The following SGK3 variants were observed in gnomAD, a reference collection of about 807,000 sequenced individuals.
SGK3 encodes the protein serum/glucocorticoid regulated kinase family member 3, also known as serine/threonine-protein kinase Sgk3.
Under a neutral mutation model 68.5 loss-of-function variants are expected in SGK3, and 47 were observed. That is an observed-to-expected ratio of 0.69 (90% confidence interval 0.54 to 0.87). SGK3 has a LOEUF of 0.87. Ranked by LOEUF, SGK3 falls within the 40% of genes least tolerant of loss-of-function variation. The pLI, the probability that SGK3 is intolerant of heterozygous loss-of-function variation, is 0.00. For missense variants in SGK3, 479 were observed against 575.5 expected (o/e 0.83, Z 1.72); for synonymous variants, 181 against 189.1 (o/e 0.96, Z 0.35).
intron 4 of SGK3, among the ~76,000 whole-genome samples, chr8:66,804,950 G>A (rs1808089763): frequency 6.6e-6 from 1 of 152,040 alleles, no homozygotes; most frequent in African/African-American, 2.4e-5. Context: ...ATGGTGGCGT[G>A]CACCTGTAGT....
At chr8:66,775,789 A>G (rs937165694) in intron 1 of SGK3, among the ~76,000 whole-genome samples, 1 of 152,218 alleles carries the variant, frequency 6.6e-6, no homozygotes, top group Non-Finnish European at 1.5e-5. Flanking sequence ...TTACTTAAAC[A>G]TGGACAGCAG....
In SGK3 at chr8:66,816,007, AT is replaced by A. The variant is rs959556786; in HGVS notation, c.329+2089del. Among the ~76,000 whole-genome samples the A allele has an allele frequency of 4.3e-3, 642 of 150,548 alleles. 4 individuals carry two copies. Among genetic ancestry groups the A allele is most frequent in the African/African-American group, 0.015 (608 of 41,084 alleles). On this transcript the variant is annotated intron_variant, in intron 5 of 16. Transcript: ENST00000521198. ...AATAGTCAAGAGTTTTTTAAACTTA[AT>A]TTTTTTTTTGAGACGGAGTCTCACT...
In SGK3 at chr8:66,804,381, A is replaced by G; in HGVS notation, c.187A>G (p.Lys63Glu). 1 of 1,608,332 alleles carries G rather than the reference A, an allele frequency of 6.2e-7. No homozygotes were observed. Among genetic ancestry groups the G allele is most frequent in the Non-Finnish European group, 8.5e-7 (1 of 1,178,500 alleles). Residue 63 changes from lysine (K) to glutamate (E), a missense_variant, in exon 4 of 17, where the codon AAA becomes GAA. By Grantham distance (56) the Lys-to-Glu change is moderately conservative (BLOSUM62 1). Transcript: ENST00000521198. ...TTATTTTTAAAAATTTTAGTTAAAA[A>G]AACAGTTTCCTGCTATGGCCCTGAA... ...EFDKLYNTLKKQFPAMALKIP... is the reference protein window; with the variant it reads ...EFDKLYNTLKEQFPAMALKIP...
intron 1 of SGK3, among the ~76,000 whole-genome samples, chr8:66,725,632 T>C (rs909939840): frequency 9.9e-5 from 15 of 152,098 alleles, no homozygotes; most frequent in African/African-American, 3.6e-4. Flanking sequence ...AAGTTGTGTT[T>C]TAATTTTTTT....
At chr8:66,806,167 AC>A (rs1358146569) in intron 4 of SGK3, among the ~76,000 whole-genome samples, 1 of 151,670 alleles carries the variant, frequency 6.6e-6, no homozygotes, top group Non-Finnish European at 1.5e-5. Context: ...CTGGTTACAT[AC>A]AGAGTTTTTT....
chr8:66,841,260 C>T, intron 13 of SGK3, 150 bp downstream of exon 13: 2 of 569,596 alleles, frequency 3.5e-6, no homozygotes. Flanking sequence ...ATAATCATGC[C>T]TTGATAGTTG....
intron 1 of SGK3, among the ~76,000 whole-genome samples, chr8:66,751,782 T>A (rs1029593668): frequency 2.5e-4 from 33 of 131,588 alleles, no homozygotes; most frequent in African/African-American, 7.4e-4. Context: ...TTATTTATTT[T>A]GAGACAGAGC....
At chr8:66,798,691 A>G in intron 3 of SGK3, 66 bp downstream of exon 3, 1 of 1,321,666 alleles carries the variant, frequency 7.6e-7, no homozygotes, top group East Asian at 2.4e-5. Flanking sequence ...AATAAGAGAG[A>G]TGTATTTGAA....
chr8:66,826,348 G>A (rs961171828), intron 6 of SGK3, among the ~76,000 whole-genome samples: 1 of 152,150 alleles, frequency 6.6e-6, no homozygotes, highest in African/African-American at 2.4e-5. Flanking sequence ...CAGAAGAAGT[G>A]TATTGAAATT....
chr8:66,721,924 G>A (rs1804805142), intron 1 of SGK3, among the ~76,000 whole-genome samples: 2 of 152,164 alleles, frequency 1.3e-5, no homozygotes, highest in South Asian at 4.1e-4. Flanking sequence ...CCAAAGGTTA[G>A]CAATCTTTGA....
chr8:66,735,853 T>A (rs1805303365), intron 1 of SGK3, among the ~76,000 whole-genome samples: 1 of 152,254 alleles, frequency 6.6e-6, no homozygotes, highest in Admixed American at 6.5e-5. Flanking sequence ...TTTCTGTGAT[T>A]AAAGAATGAT....
Position 66,831,259 on chromosome 8 carries a change from A to T in SGK3, c.473A>T (p.Lys158Ile). 6.2e-7 allele frequency: 1 copy of T among 1,614,128 alleles called. No homozygotes were observed. Among genetic ancestry groups the T allele is most frequent in the Non-Finnish European group, 8.5e-7 (1 of 1,179,980 alleles). The change falls in exon 8 of 17, where the codon AAA (lysine) becomes ATA (isoleucine). Residue 158 changes from lysine (K) to isoleucine (I), a missense_variant. Physicochemically the swap from Lys to Ile is moderately radical, Grantham distance 102. Around this residue, in one of 3 missense-constraint regions of SGK3, gnomAD observed 298 missense variants for 329.4 expected, o/e 0.90. Coordinates refer to ENST00000521198, the MANE Select transcript of SGK3 (RefSeq NM_001033578.3). ...NLGPSGNPHA[K>I]PTDFDFLKVI... ...TTATTGTTAATTTATTTCAGTGCCAAACCAACTGACTTTGATTTCTTAAAA... is the reference window on the plus strand; with the variant it reads ...TTATTGTTAATTTATTTCAGTGCCATACCAACTGACTTTGATTTCTTAAAA...
At chr8:66,799,712 C>T (rs1444105351) in intron 3 of SGK3, among the ~76,000 whole-genome samples, 2 of 152,188 alleles carry the variant, frequency 1.3e-5, no homozygotes, top group African/African-American at 4.8e-5. Context: ...ACCTCTGCCT[C>T]CCATGTTCAA....
At chr8:66,809,999 C>G (rs1160275513) in intron 4 of SGK3, among the ~76,000 whole-genome samples, 1 of 152,168 alleles carries the variant, frequency 6.6e-6, no homozygotes, top group Non-Finnish European at 1.5e-5. Flanking sequence ...CCTTCTATGA[C>G]TTAGTCTTGG....
chr8:66,810,366 C>T (rs1332371247), intron 4 of SGK3, among the ~76,000 whole-genome samples: 1 of 151,928 alleles, frequency 6.6e-6, no homozygotes, highest in Non-Finnish European at 1.5e-5. Flanking sequence ...ATAAGGTTCT[C>T]ACCTTTTGTG....
chr8:66,829,037 G>T (rs938220996), intron 7 of SGK3, among the ~76,000 whole-genome samples: 1 of 151,266 alleles, frequency 6.6e-6, no homozygotes, highest in African/African-American at 2.4e-5. Flanking sequence ...GGGACCACAA[G>T]TCCTATGAGG....
chr8:66,751,840 A>G (rs1265883292), intron 1 of SGK3, among the ~76,000 whole-genome samples: 1 of 151,872 alleles, frequency 6.6e-6, no homozygotes, highest in Non-Finnish European at 1.5e-5. Flanking sequence ...ATCTCGGCTC[A>G]CCGCAACCTC....
intron 5 of SGK3, among the ~76,000 whole-genome samples, chr8:66,821,717 G>A (rs1808836690): frequency 6.8e-6 from 1 of 147,192 alleles, no homozygotes; most frequent in East Asian, 2.0e-4. Context: ...ACTGGAGACG[G>A]GGTTTCACCA....
rs141837887 is a variant in SGK3, at chr8:66,856,357, G to A, written c.1321-3054G>A. On this transcript the variant is annotated intron_variant, in intron 16 of 16. Coordinates refer to ENST00000521198, the MANE Select transcript of SGK3 (RefSeq NM_001033578.3). Reference sequence around the variant, plus strand: ...GCTGGGATTACAGGCATGAGCCACCGTGCCTGGCCCGCTCTCACTCTTAAT... The same window carrying A: ...GCTGGGATTACAGGCATGAGCCACCATGCCTGGCCCGCTCTCACTCTTAAT... Among the ~76,000 whole-genome samples the A allele has an allele frequency of 1.7e-4, 26 of 152,262 alleles. No individual in the cohort carries two copies. The South Asian group carries it at 4.1e-3, about 24-fold the overall frequency.
Sources: gnomAD v4.1 joint callset for allele counts (sites outside exome capture counted in the v4.1 genomes callset) on GRCh38, gnomAD v4.1.1 for gene constraint, gnomAD v4.1.1 regional missense constraint, MANE v1.5 for transcripts, NCBI Gene and HGNC (gene_info 2026-07-23, HGNC 2026-07-21) for gene names.